FGF23: variants seen among roughly 807,000 people sequenced by gnomAD.
The protein encoded by FGF23 is phosphatonin.
In FGF23, 8 loss-of-function variants were observed where a neutral mutation model predicts 9.0. The ratio of observed to expected loss-of-function variants is 0.89; its 90% CI spans 0.52 to 1.60. The LOEUF is 1.60. Among genes scored for constraint, FGF23 ranks in the 40% most tolerant of loss-of-function variants. FGF23 has a pLI of 0.00. For synonymous variants in FGF23, 118 were observed against 146.2 expected, an observed-to-expected ratio of 0.81 and a Z score of 1.39; for missense variants, 311 against 344.3, an observed-to-expected ratio of 0.90 and a Z score of 0.77.
chr12:4,376,308 C>T (rs1186586355), intron 1 of FGF23, among the ~76,000 whole-genome samples: 2 of 152,108 alleles, frequency 1.3e-5, no homozygotes, highest in African/African-American at 4.8e-5. Context: ...GTGCACTCAA[C>T]TCTTAAGAAT....
At chr12:4,374,599 G>C (rs1429313705) in intron 1 of FGF23, among the ~76,000 whole-genome samples, 3 of 149,804 alleles carry the variant, frequency 2.0e-5, no homozygotes, top group Non-Finnish European at 1.5e-5. Context: ...GCAGTAAGCC[G>C]AGATTGCACC....
rs934539125 is a variant in FGF23, at chr12:4,379,657, T to C, written c.-75A>G. ...GTCGGGACTCTCCTGGCCCAGGCCT[T>C]ACTGGCCTTTTCCTTCTCCCTTGCA... is the stretch of plus-strand genomic sequence containing the variant. On this transcript the variant is annotated 5_prime_UTR_variant, in exon 1 of 3. Coordinates refer to ENST00000237837, the MANE Select transcript of FGF23 (RefSeq NM_020638.3). 2 of 1,290,472 alleles carry C rather than the reference T, an allele frequency of 1.5e-6. No individual in the cohort carries two copies. Among genetic ancestry groups the C allele is most frequent in the African/African-American group, 2.9e-5 (2 of 68,110 alleles). 79.9% of individuals were successfully genotyped at this position (1,290,472 alleles called of 1,614,324 possible).
intron 1 of FGF23, 61 bp downstream of exon 1, chr12:4,379,311 A>C: frequency 2.7e-6 from 4 of 1,491,000 alleles, no homozygotes; most frequent in Non-Finnish European, 3.7e-6. Flanking sequence ...AACCTCCCCA[A>C]GCCTCCTGTA....
intron 1 of FGF23, among the ~76,000 whole-genome samples, chr12:4,376,212 C>T (rs973687722): frequency 5.3e-5 from 8 of 152,104 alleles, no homozygotes; most frequent in Admixed American, 3.9e-4. Flanking sequence ...CTGGCAGCAG[C>T]GCTTGTGAGT....
At chr12:4,371,299 T>C (rs920533778) in intron 2 of FGF23, among the ~76,000 whole-genome samples, 3 of 152,222 alleles carry the variant, frequency 2.0e-5, no homozygotes, top group Non-Finnish European at 4.4e-5. Flanking sequence ...TTGCCTGTTA[T>C]TTCTTTTAAT....
intron 1 of FGF23, among the ~76,000 whole-genome samples, chr12:4,378,048 G>A (rs1048733952): frequency 6.6e-6 from 1 of 152,190 alleles, no homozygotes; most frequent in Non-Finnish European, 1.5e-5. Flanking sequence ...ATTCTCTGGA[G>A]TTCTGGAACC....
chr12:4,375,501 G>A (rs924941681), intron 1 of FGF23, among the ~76,000 whole-genome samples: 189 of 152,306 alleles, frequency 1.2e-3, no homozygotes, highest in African/African-American at 4.3e-3. Flanking sequence ...GCATCTTTTC[G>A]CAGTCTGCAC....
chr12:4,379,310 A>G, intron 1 of FGF23, 62 bp downstream of exon 1: 1 of 1,488,758 alleles, frequency 6.7e-7, no homozygotes, highest in Admixed American at 1.7e-5. Context: ...CAACCTCCCC[A>G]AGCCTCCTGT....
chr12:4,370,852 G>C, intron 2 of FGF23, 69 bp from the exon 3 acceptor site: 1 of 1,315,734 alleles, frequency 7.6e-7, no homozygotes, highest in East Asian at 2.3e-5. Context: ...AGCTCCTCCT[G>C]GGGCCACATG....
At chr12:4,372,536 G>A in intron 2 of FGF23, 58 bp downstream of exon 2, 1 of 1,078,742 alleles carries the variant, frequency 9.3e-7, no homozygotes, top group Non-Finnish European at 1.4e-6. Flanking sequence ...TCTATGTCGT[G>A]TCAAAGAAAT....
chr12:4,377,802 G>A (rs1336814666), intron 1 of FGF23, among the ~76,000 whole-genome samples: 1 of 152,176 alleles, frequency 6.6e-6, no homozygotes, highest in Admixed American at 6.5e-5. Flanking sequence ...CTGAAAGTCT[G>A]GTAGTGAGCT....
intron 1 of FGF23, among the ~76,000 whole-genome samples, chr12:4,376,449 T>C (rs1267260923): frequency 6.6e-6 from 1 of 152,218 alleles, no homozygotes; most frequent in East Asian, 1.9e-4. Flanking sequence ...GATGAGGTCA[T>C]TACAAATCCT....
At chr12:4,371,420 T>TTTTG (rs951748567) in intron 2 of FGF23, among the ~76,000 whole-genome samples, 2 of 152,184 alleles carry the variant, frequency 1.3e-5, no homozygotes, top group African/African-American at 4.8e-5. Context: ...TCAACAGATT[T>TTTTG]TTTGTTTGTT....
Position 4,368,585 on chromosome 12 carries a change from A to G in FGF23, c.*1758T>C, listed in dbSNP as rs963778003. 1 of 194,614 alleles carries G rather than the reference A, an allele frequency of 5.1e-6. No individual in the cohort carries two copies. Among genetic ancestry groups the G allele is most frequent in the African/African-American group, 2.3e-5 (1 of 43,214 alleles). 12.1% of individuals were successfully genotyped at this position (194,614 alleles called of 1,614,324 possible). ...AATAAATACTGCCACATGACGAGGGATATAAGAAATTGTAGGAGCTATTTT... is the reference window on the plus strand; with the variant it reads ...AATAAATACTGCCACATGACGAGGGGTATAAGAAATTGTAGGAGCTATTTT... On this transcript the variant is annotated 3_prime_UTR_variant, in exon 3 of 3. Transcript: ENST00000237837.
At chr12:4,372,462 A>T in intron 2 of FGF23, 132 bp downstream of exon 2, 2 of 707,820 alleles carry the variant, frequency 2.8e-6, no homozygotes, top group South Asian at 3.0e-5. Flanking sequence ...CTTAGACTGC[A>T]TGAAGTATCA....
intron 2 of FGF23, among the ~76,000 whole-genome samples, chr12:4,371,156 G>A (rs1161752277): frequency 3.3e-5 from 5 of 152,164 alleles, no homozygotes; most frequent in African/African-American, 1.2e-4. Context: ...AAAGGAGAGG[G>A]GATGGAGTTT....
intron 1 of FGF23, among the ~76,000 whole-genome samples, chr12:4,373,536 T>C (rs1380947380): frequency 1.3e-5 from 2 of 152,322 alleles, no homozygotes; most frequent in East Asian, 1.9e-4. Context: ...TGTCATTTTC[T>C]CACTTGGTGG....
rs114586866 is a variant in FGF23 at position 4,377,931 on chromosome 12, A to G, written c.211+1441T>C. 7.4e-3 allele frequency among the ~76,000 whole-genome samples: 1,131 copies of G among 152,344 alleles called. 9 individuals carry two copies. Among genetic ancestry groups the G allele is most frequent in the African/African-American group, 0.025 (1,037 of 41,570 alleles). On this transcript the variant is annotated intron_variant, in intron 1 of 2. Coordinates refer to ENST00000237837, the MANE Select transcript of FGF23 (RefSeq NM_020638.3). ...AGATCCTATTAAATATCCATTGAATAAAATGAACAACACTTCGGGTGCATC... is the reference window on the plus strand; with the variant it reads ...AGATCCTATTAAATATCCATTGAATGAAATGAACAACACTTCGGGTGCATC...
rs372434012 is a variant in FGF23 at position 4,379,614 on chromosome 12, T to A, written c.-32A>T. 6.5e-7 allele frequency: 1 copy of A among 1,546,238 alleles called. No homozygotes were observed. Among genetic ancestry groups the A allele is most frequent in the African/African-American group, 1.4e-5 (1 of 73,224 alleles). ...CTGCTCTGAGTGGCTGGTGCTGAGA[T>A]TGAAACCTGACACTCCTGTCGGGAC... On this transcript the variant is annotated 5_prime_UTR_variant, in exon 1 of 3. Transcript: ENST00000237837.
Sources: gnomAD v4.1 joint callset for allele counts (sites outside exome capture counted in the v4.1 genomes callset) on GRCh38, gnomAD v4.1.1 for gene constraint, MANE v1.5 for transcripts, NCBI Gene and HGNC (gene_info 2026-07-23, HGNC 2026-07-21) for gene names.